The following MMP26 variants were observed in gnomAD, a reference collection of about 807,000 sequenced individuals.
MMP26 encodes matrix metallopeptidase 26, also known as matrix metalloproteinase-26.
A neutral mutation model predicts 31.0 loss-of-function variants in MMP26; 33 were observed. That is an observed-to-expected ratio of 1.06 (90% confidence interval 0.81 to 1.42). The LOEUF (loss-of-function observed/expected upper bound fraction) is 1.42. MMP26 is among the 40% of genes most tolerant of loss of function. The probability of loss-of-function intolerance (pLI) is 0.00; values close to 1 mark genes in which losing one functional copy is unlikely to be tolerated. For synonymous variants in MMP26, 122 were observed against 114.9 expected (o/e 1.06, Z -0.40); for missense variants, 347 against 316.1 (o/e 1.10, Z -0.74).
chr11:4,937,539 G>A (rs1192402745), intron 2 of MMP26: 1 of 153,012 alleles, frequency 6.5e-6, no homozygotes, highest in African/African-American at 2.4e-5. Flanking sequence ...TGGGCACATA[G>A]AAGATAAGCA....
At chr11:4,740,392 A>G (rs1047338479) in intron 1 of MMP26, among the ~76,000 whole-genome samples, 5 of 152,256 alleles carry the variant, frequency 3.3e-5, no homozygotes, top group Non-Finnish European at 7.4e-5. Flanking sequence ...ACAAAGAAAT[A>G]ATATTTTGGG....
At chr11:4,711,353 T>C (rs1847860075) in intron 1 of MMP26, 1 of 152,240 alleles carries the variant, frequency 6.6e-6, no homozygotes, top group South Asian at 2.1e-4. Flanking sequence ...TTAAAAAGTA[T>C]AAATAGACAT....
At chr11:4,931,220 G>C (rs1018875662) in intron 2 of MMP26, among the ~76,000 whole-genome samples, 1 of 152,066 alleles carries the variant, frequency 6.6e-6, no homozygotes, top group Non-Finnish European at 1.5e-5. Flanking sequence ...GGTTCTGGAA[G>C]GGTTATCCAT....
intron 2 of MMP26, among the ~76,000 whole-genome samples, chr11:4,880,760 G>A (rs1850449842): frequency 6.6e-6 from 1 of 152,148 alleles, no homozygotes; most frequent in South Asian, 2.1e-4. Flanking sequence ...AAAATGTGGG[G>A]CAAAGATTGA....
chr11:4,769,177 C>T (rs1462929235), intron 2 of MMP26: 13 of 1,614,100 alleles, frequency 8.1e-6, no homozygotes, highest in Non-Finnish European at 1.1e-5. Flanking sequence ...CAACTGCTCC[C>T]ACATGGGAGA....
intron 2 of MMP26, among the ~76,000 whole-genome samples, chr11:4,896,345 T>C (rs1056202796): frequency 1.3e-5 from 2 of 152,174 alleles, no homozygotes; most frequent in Non-Finnish European, 2.9e-5. Flanking sequence ...TTGATCTATC[T>C]TCTGAGTTTT....
intron 1 of MMP26, chr11:4,710,317 T>C (rs1456547508): frequency 6.6e-6 from 3 of 456,730 alleles, no homozygotes; most frequent in Non-Finnish European, 1.3e-5. Context: ...ATCAGTGCAG[T>C]TGCCATCTTC....
intron 2 of MMP26, chr11:4,822,456 C>T: frequency 6.0e-6 from 8 of 1,330,456 alleles, no homozygotes; most frequent in Non-Finnish European, 7.8e-6. Context: ...AGTGCCCACA[C>T]ATGCCTCCAA....
chr11:4,711,732 A>G (rs1256757134), intron 1 of MMP26: 4 of 152,192 alleles, frequency 2.6e-5, no homozygotes, highest in Non-Finnish European at 4.4e-5. Context: ...CTCCAGAGCT[A>G]CTTAAACAGA....
chr11:4,727,479 G>A (rs912455572), intron 1 of MMP26, among the ~76,000 whole-genome samples: 3 of 152,012 alleles, frequency 2.0e-5, no homozygotes. Flanking sequence ...TTTTTAAAAT[G>A]TTTGGTTTAG....
chr11:4,957,200 A>G (rs7942281), intron 2 of MMP26, among the ~76,000 whole-genome samples: 60,552 of 152,030 alleles, frequency 0.4, 12,243 homozygotes, highest in South Asian at 0.58. Flanking sequence ...TAAGATACAC[A>G]CATTTAAATA....
At chr11:4,812,675 T>C (rs560957803) in intron 2 of MMP26, among the ~76,000 whole-genome samples, 1 of 152,218 alleles carries the variant, frequency 6.6e-6, no homozygotes, top group Non-Finnish European at 1.5e-5. Context: ...TGACATAAGA[T>C]ACGCATAGAG....
At chr11:4,784,152 C>T (rs1421912642) in intron 2 of MMP26, among the ~76,000 whole-genome samples, 1 of 152,154 alleles carries the variant, frequency 6.6e-6, no homozygotes, top group Non-Finnish European at 1.5e-5. Flanking sequence ...ATCTGAAGGC[C>T]TCCTCATTTA....
rs563044519 is a variant in MMP26, at chr11:4,907,095, T to TAAAAAAAAAAAAAAGA, written c.-144-80959_-144-80958insGAAAAAAAAAAAAAAA. 9.1e-5 allele frequency among the ~76,000 whole-genome samples: 5 copies of TAAAAAAAAAAAAAAGA among 55,128 alleles called. 1 individual carries two copies. The South Asian group carries it at 2.3e-3, about 25-fold the overall frequency. 36.2% of individuals were successfully genotyped at this position (55,128 alleles called of 152,430 possible). A position where few individuals can be genotyped will look rare whatever the true frequency, so the allele number is the denominator to read the frequency against. On this transcript the variant is annotated intron_variant, in intron 2 of 7. Transcript: ENST00000380390. Reference sequence around the variant, plus strand: ...TGGGCAACAAGAGCAAAACTCCCTCTAAAAAAAAAAAAAAAAAAAATCCTA... The same window carrying TAAAAAAAAAAAAAAGA: ...TGGGCAACAAGAGCAAAACTCCCTCTAAAAAAAAAAAAAAGAAAAAAAAAAAAAAAAAAAAATCCTA...
intron 2 of MMP26, among the ~76,000 whole-genome samples, chr11:4,885,657 C>T (rs1850537230): frequency 6.6e-6 from 1 of 152,140 alleles, no homozygotes; most frequent in East Asian, 1.9e-4. Flanking sequence ...TATTAAGCAA[C>T]TCATGACTGC....
intron 5 of MMP26, among the ~76,000 whole-genome samples, chr11:4,991,019 GA>G (rs905942694): frequency 6.6e-6 from 1 of 152,118 alleles, no homozygotes; most frequent in Non-Finnish European, 1.5e-5. Context: ...GAAATCTATT[GA>G]AATGCTATTC....
chr11:4,992,069 A>T lies in MMP26; in HGVS notation c.701A>T (p.Asp234Val). ...SIMYPTYWYHDPRTFQLSADD... is the reference protein window; with the variant it reads ...SIMYPTYWYHVPRTFQLSADD... ...ATGTACCCCACTTACTGGTATCACG[A>T]CCCTAGAACCTTCCAGCTCAGTGCC... The change falls in exon 7 of 8, where the codon GAC becomes GTC. Residue 234 changes from aspartate (D) to valine (V), a missense_variant. Asp to Val is a radical substitution (Grantham distance 152). Transcript: ENST00000380390. 1 of 1,613,700 alleles carries T rather than the reference A, an allele frequency of 6.2e-7. No individual in the cohort carries two copies. Among genetic ancestry groups the T allele is most frequent in the East Asian group, 2.2e-5 (1 of 44,848 alleles).
At chr11:4,899,708 A>G (rs1283280626) in intron 2 of MMP26, among the ~76,000 whole-genome samples, 1 of 152,188 alleles carries the variant, frequency 6.6e-6, no homozygotes, top group Non-Finnish European at 1.5e-5. Flanking sequence ...TAATTACCCC[A>G]TCAGGCTAAT....
chr11:4,975,689 T>C (rs1846727823), intron 2 of MMP26, among the ~76,000 whole-genome samples: 1 of 152,020 alleles, frequency 6.6e-6, no homozygotes, highest in South Asian at 2.1e-4. Context: ...CAGGCTTCAC[T>C]GCCTCAACCT....
Sources: allele counts gnomAD v4.1 joint callset (sites outside exome capture counted in the v4.1 genomes callset), GRCh38; gene constraint gnomAD v4.1.1; transcripts MANE v1.5; gene names NCBI Gene and HGNC (gene_info 2026-07-23, HGNC 2026-07-21).